Variants in RABGAP1L observed in about 807,000 individuals in gnomAD.
RABGAP1L encodes rab GTPase-activating protein 1-like.
Under a neutral mutation model 137.7 loss-of-function variants are expected in RABGAP1L, and 63 were observed. The ratio of observed to expected loss-of-function variants is 0.46; its 90% CI spans 0.37 to 0.56. The LOEUF is 0.56. RABGAP1L is among the 20% of genes least tolerant of loss of function. The probability of loss-of-function intolerance (pLI) is 0.00; values close to 1 mark genes in which losing one functional copy is unlikely to be tolerated. For missense variants in RABGAP1L, 1,095 were observed against 1,244.0 expected, an observed-to-expected ratio of 0.88 and a Z score of 1.80; for synonymous variants, 431 against 433.7, an observed-to-expected ratio of 0.99 and a Z score of 0.08.
chr1:174,824,323 C>CTA (rs1409507280), intron 19 of RABGAP1L, among the ~76,000 whole-genome samples: 7 of 151,328 alleles, frequency 4.6e-5, no homozygotes, highest in South Asian at 2.1e-4. Context: ...ATATACATAT[C>CTA]TATATATATA....
intron 13 of RABGAP1L, among the ~76,000 whole-genome samples, chr1:174,623,632 A>C (rs1168387328): frequency 6.6e-6 from 1 of 152,206 alleles, no homozygotes; most frequent in African/African-American, 2.4e-5. Context: ...GAGTACTGCC[A>C]GCTAGGGAAG....
chr1:174,477,276 T>A (rs1323088227), intron 13 of RABGAP1L, among the ~76,000 whole-genome samples: 1 of 152,220 alleles, frequency 6.6e-6, no homozygotes, highest in Non-Finnish European at 1.5e-5. Context: ...CATTGCAAGC[T>A]AAAATTATGC....
intron 21 of RABGAP1L, among the ~76,000 whole-genome samples, chr1:174,973,802 T>G (rs925986851): frequency 4.6e-5 from 7 of 151,958 alleles, no homozygotes; most frequent in Admixed American, 3.9e-4. Context: ...AAAGGATCAG[T>G]CTGTTCACAA....
intron 19 of RABGAP1L, among the ~76,000 whole-genome samples, chr1:174,951,318 T>C (rs1481322170): frequency 2.6e-5 from 4 of 152,206 alleles, no homozygotes; most frequent in Non-Finnish European, 2.9e-5. Context: ...GCCAACTGGA[T>C]TTCATTTCTG....
At chr1:174,879,257 T>G (rs1480194560) in intron 19 of RABGAP1L, among the ~76,000 whole-genome samples, 1 of 152,166 alleles carries the variant, frequency 6.6e-6, no homozygotes, top group East Asian at 1.9e-4. Flanking sequence ...CACACCACCA[T>G]GCCCAGCTAA....
At chr1:174,438,986 G>T (rs1015112155) in intron 13 of RABGAP1L, among the ~76,000 whole-genome samples, 11 of 150,950 alleles carry the variant, frequency 7.3e-5, no homozygotes, top group African/African-American at 2.7e-4. Flanking sequence ...AATTCTAGTG[G>T]GCTCTTGGGA....
chr1:174,577,230 CA>C (rs1668440018), intron 13 of RABGAP1L, among the ~76,000 whole-genome samples: 1 of 143,708 alleles, frequency 7.0e-6, no homozygotes, highest in Non-Finnish European at 1.5e-5. Flanking sequence ...CACACACACA[CA>C]CACACACACA....
intron 19 of RABGAP1L, among the ~76,000 whole-genome samples, chr1:174,900,775 C>CT (rs1558209791): frequency 6.6e-6 from 1 of 152,180 alleles, no homozygotes; most frequent in Admixed American, 6.5e-5. Flanking sequence ...CTGCATTGGC[C>CT]TCCCAAAGTG....
rs574666855 is a variant in RABGAP1L at position 174,476,198 on chromosome 1, C to T, written c.1710+82053C>T. On this transcript the variant is annotated intron_variant, in intron 13 of 25. Coordinates refer to ENST00000681986, the MANE Select transcript of RABGAP1L (RefSeq NM_001366446.1). ...CCTATGACAATTTTCTAACCTTTAGCATTCTGAGTTTAAATGTAAAACTAT... is the reference window on the plus strand; with the variant it reads ...CCTATGACAATTTTCTAACCTTTAGTATTCTGAGTTTAAATGTAAAACTAT... Among the ~76,000 whole-genome samples, 97 of 152,274 alleles carry T rather than the reference C, an allele frequency of 6.4e-4. 1 individual carries two copies. In the South Asian group the frequency reaches 0.013, roughly 20 times the overall value.
chr1:174,351,349 G>A (rs183219840), intron 11 of RABGAP1L, among the ~76,000 whole-genome samples: 8 of 152,096 alleles, frequency 5.3e-5, no homozygotes, highest in Non-Finnish European at 8.8e-5. Flanking sequence ...ATTTCTTGTC[G>A]GACAGGTCTG....
chr1:174,464,940 C>T (rs562913398), intron 13 of RABGAP1L, among the ~76,000 whole-genome samples: 1 of 152,188 alleles, frequency 6.6e-6, no homozygotes, highest in East Asian at 1.9e-4. Flanking sequence ...GTAGTCTCTT[C>T]AATTATTATA....
At chr1:174,169,195 G>A (rs1665146592) in intron 1 of RABGAP1L, among the ~76,000 whole-genome samples, 1 of 151,914 alleles carries the variant, frequency 6.6e-6, no homozygotes, top group Non-Finnish European at 1.5e-5. Context: ...CAATAAATTA[G>A]CCATCCCTAC....
chr1:174,630,069 T>C (rs1216519387), intron 13 of RABGAP1L, among the ~76,000 whole-genome samples: 2 of 150,956 alleles, frequency 1.3e-5, no homozygotes, highest in African/African-American at 4.9e-5. Flanking sequence ...ATACGTCCCA[T>C]CAATACCTAA....
At chr1:174,262,077 C>G (rs1295926735) in intron 7 of RABGAP1L, among the ~76,000 whole-genome samples, 1 of 152,172 alleles carries the variant, frequency 6.6e-6, no homozygotes, top group Non-Finnish European at 1.5e-5. Context: ...ACAGGTATTA[C>G]TTACTTATAC....
At chr1:174,265,138 T>C (rs1673950076) in intron 7 of RABGAP1L, among the ~76,000 whole-genome samples, 1 of 152,186 alleles carries the variant, frequency 6.6e-6, no homozygotes. Flanking sequence ...CTTTTAGATG[T>C]TTTTGAATTG....
At chr1:174,867,620 A>T (rs1651500971) in intron 19 of RABGAP1L, among the ~76,000 whole-genome samples, 1 of 152,182 alleles carries the variant, frequency 6.6e-6, no homozygotes, top group African/African-American at 2.4e-5. Flanking sequence ...TTTGGGTTTA[A>T]TCATAACTCT....
At chr1:174,182,138 A>C (rs906918505) in intron 1 of RABGAP1L, among the ~76,000 whole-genome samples, 1 of 151,012 alleles carries the variant, frequency 6.6e-6, no homozygotes, top group Non-Finnish European at 1.5e-5. Flanking sequence ...ACTGTTGAGT[A>C]ACCACTTGCT....
chr1:174,385,335 T>A (rs901196433), intron 12 of RABGAP1L, among the ~76,000 whole-genome samples: 1 of 152,186 alleles, frequency 6.6e-6, no homozygotes, highest in African/African-American at 2.4e-5. Flanking sequence ...GACTTGCTGT[T>A]TACTCAAATA....
At chr1:174,459,753 G>T (rs1025825382) in intron 13 of RABGAP1L, among the ~76,000 whole-genome samples, 1 of 152,000 alleles carries the variant, frequency 6.6e-6, no homozygotes, top group South Asian at 2.1e-4. Flanking sequence ...TATGAATATG[G>T]AGGACTGACT....
Sources: gnomAD v4.1 joint callset for allele counts (sites outside exome capture counted in the v4.1 genomes callset) on GRCh38, gnomAD v4.1.1 for gene constraint, MANE v1.5 for transcripts, NCBI Gene and HGNC (gene_info 2026-07-23, HGNC 2026-07-21) for gene names.